NTRK2: variants seen among roughly 807,000 people sequenced by gnomAD.
NTRK2 encodes neurotrophic receptor tyrosine kinase 2.
NTRK2 carries 13 observed loss-of-function variants against 94.5 expected under a neutral mutation model. That is an observed-to-expected ratio of 0.14 (90% CI 0.09 to 0.22). The LOEUF is 0.22. Ranked by LOEUF, NTRK2 falls within the 10% of genes least tolerant of loss-of-function variation. The pLI, the probability that NTRK2 is intolerant of heterozygous loss-of-function variation, is 1.00. For missense variants in NTRK2, 639 were observed against 1,071.2 expected, an observed-to-expected ratio of 0.60 and a Z score of 5.63; for synonymous variants, 372 against 407.4, an observed-to-expected ratio of 0.91 and a Z score of 1.05.
At chr9:84,884,491 T>A (rs1271391108) in intron 14 of NTRK2, among the ~76,000 whole-genome samples, 1 of 152,216 alleles carries the variant, frequency 6.6e-6, no homozygotes, top group Non-Finnish European at 1.5e-5. Flanking sequence ...AGATGGGAGA[T>A]ACAGACATGC....
intron 2 of NTRK2, among the ~76,000 whole-genome samples, chr9:84,673,867 C>T (rs538677207): frequency 1.3e-5 from 2 of 152,334 alleles, no homozygotes; most frequent in African/African-American, 4.8e-5. Context: ...GCCTGCTCAA[C>T]ATCACACTGC....
At chr9:84,787,012 A>G (rs1181730858) in intron 12 of NTRK2, among the ~76,000 whole-genome samples, 1 of 152,142 alleles carries the variant, frequency 6.6e-6, no homozygotes, top group African/African-American at 2.4e-5. Context: ...AAAAATGACC[A>G]GTCAGGTGGG....
intron 5 of NTRK2, among the ~76,000 whole-genome samples, chr9:84,708,779 C>A (rs1192549695): frequency 6.6e-6 from 1 of 152,178 alleles, no homozygotes; most frequent in Non-Finnish European, 1.5e-5. Context: ...GCTGGAGAGA[C>A]AACAAGTTAA....
At chr9:84,833,476 A>G (rs1564366386) in intron 12 of NTRK2, among the ~76,000 whole-genome samples, 2 of 151,574 alleles carry the variant, frequency 1.3e-5, no homozygotes, top group Non-Finnish European at 2.9e-5. Context: ...GGAAAAAAGG[A>G]AGGAACAGGA....
At chr9:84,777,766 A>G (rs2132966483) in intron 12 of NTRK2, among the ~76,000 whole-genome samples, 1 of 152,276 alleles carries the variant, frequency 6.6e-6, no homozygotes, top group South Asian at 2.1e-4. Context: ...ATTGCAAAAC[A>G]GTCATAATTA....
chr9:84,992,922 A>T (rs1393560798), intron 17 of NTRK2, among the ~76,000 whole-genome samples: 10 of 147,168 alleles, frequency 6.8e-5, no homozygotes, highest in African/African-American at 2.3e-4. Flanking sequence ...AAATATATAA[A>T]TATATTTAAT....
chr9:84,866,695 T>C lies in NTRK2; in HGVS notation c.1445-548T>C, dbSNP rs144232411. ...TTCCTCAAAATGTTAAATATAGAGCTACCATATGACCCAGTAATTCCACCC... is the reference window on the plus strand; with the variant it reads ...TTCCTCAAAATGTTAAATATAGAGCCACCATATGACCCAGTAATTCCACCC... On this transcript the variant is annotated intron_variant, in intron 13 of 18. Coordinates refer to ENST00000277120, the MANE Select transcript of NTRK2 (RefSeq NM_006180.6). Among the ~76,000 whole-genome samples, 708 of 152,288 alleles carry C rather than the reference T, an allele frequency of 4.6e-3. 13 individuals carry two copies. Among genetic ancestry groups the C allele is most frequent in the Admixed American group, 0.038 (576 of 15,282 alleles).
intron 15 of NTRK2, among the ~76,000 whole-genome samples, chr9:84,941,795 G>A (rs1470018999): frequency 6.6e-6 from 1 of 152,120 alleles, no homozygotes; most frequent in Admixed American, 6.6e-5. Context: ...TTAGTTTCCT[G>A]TACAAAGACA....
At chr9:84,722,784 A>G (rs554854790) in intron 6 of NTRK2, among the ~76,000 whole-genome samples, 6 of 152,380 alleles carry the variant, frequency 3.9e-5, no homozygotes, top group Admixed American at 2.6e-4. Flanking sequence ...ATATAAAAGT[A>G]TAAAAATGAT....
intron 4 of NTRK2, among the ~76,000 whole-genome samples, chr9:84,706,430 G>A (rs2061065640): frequency 6.6e-6 from 1 of 151,818 alleles, no homozygotes; most frequent in Admixed American, 6.6e-5. Context: ...GGATACTTCA[G>A]TGATGACTTC....
chr9:84,796,949 C>G (rs929476668), intron 12 of NTRK2, among the ~76,000 whole-genome samples: 1 of 151,974 alleles, frequency 6.6e-6, no homozygotes, highest in African/African-American at 2.4e-5. Context: ...AATTTTGATT[C>G]CTTTATATAT....
intron 17 of NTRK2, among the ~76,000 whole-genome samples, chr9:85,013,564 G>A (rs1588188411): frequency 6.6e-6 from 1 of 152,108 alleles, no homozygotes; most frequent in South Asian, 2.1e-4. Context: ...CTCCCAAAGT[G>A]CTGGGATTAC....
intron 14 of NTRK2, among the ~76,000 whole-genome samples, chr9:84,922,749 C>T (rs1375198139): frequency 6.6e-6 from 1 of 152,194 alleles, no homozygotes; most frequent in Non-Finnish European, 1.5e-5. Flanking sequence ...CCATTGACTT[C>T]CCCTTCCTCT....
intron 12 of NTRK2, among the ~76,000 whole-genome samples, chr9:84,822,712 A>G (rs1468625980): frequency 6.6e-6 from 1 of 152,208 alleles, no homozygotes; most frequent in African/African-American, 2.4e-5. Context: ...CAAATCAGCC[A>G]TCAGAAGACT....
chr9:84,889,645 T>G (rs2076537836), intron 14 of NTRK2, among the ~76,000 whole-genome samples: 1 of 152,070 alleles, frequency 6.6e-6, no homozygotes, highest in East Asian at 1.9e-4. Context: ...ACTCCTGGCC[T>G]CAAATGGTCA....
At chr9:84,681,443 C>A (rs2059385161) in intron 2 of NTRK2, among the ~76,000 whole-genome samples, 1 of 152,064 alleles carries the variant, frequency 6.6e-6, no homozygotes, top group African/African-American at 2.4e-5. Context: ...TGACATTATT[C>A]AATCATTCTT....
intron 12 of NTRK2, among the ~76,000 whole-genome samples, chr9:84,763,265 G>A (rs2065745743): frequency 6.6e-6 from 1 of 152,124 alleles, no homozygotes; most frequent in South Asian, 2.1e-4. Context: ...CTAAGTCTGA[G>A]TCAGGGCTCT....
chr9:84,991,886 G>A (rs549514009), intron 17 of NTRK2, among the ~76,000 whole-genome samples: 1 of 152,110 alleles, frequency 6.6e-6, no homozygotes, highest in Non-Finnish European at 1.5e-5. Flanking sequence ...CTGTCTGAAG[G>A]TACCTGTCTG....
At chr9:84,690,807 A>G (rs1030633452) in intron 2 of NTRK2, among the ~76,000 whole-genome samples, 1 of 152,200 alleles carries the variant, frequency 6.6e-6, no homozygotes, top group Non-Finnish European at 1.5e-5. Context: ...CTGAAATTTT[A>G]ATAAATCATA....
Sources: allele counts gnomAD v4.1 joint callset (sites outside exome capture counted in the v4.1 genomes callset), GRCh38; gene constraint gnomAD v4.1.1; transcripts MANE v1.5; gene names NCBI Gene and HGNC (gene_info 2026-07-23, HGNC 2026-07-21).